Variants in MALT1 observed in about 807,000 individuals in gnomAD.
MALT1 encodes the protein MALT1 paracaspase.
A neutral mutation model predicts 85.5 loss-of-function variants in MALT1; 36 were observed. The observed-to-expected ratio is 0.42, with a 90% confidence interval of 0.32 to 0.56. The LOEUF is 0.56. Among genes scored for constraint, MALT1 ranks in the 20% least tolerant of loss-of-function variants. The probability of loss-of-function intolerance (pLI) is 0.10; values close to 1 mark genes in which losing one functional copy is unlikely to be tolerated. For synonymous variants in MALT1, 359 were observed against 361.3 expected, an observed-to-expected ratio of 0.99 and a Z score of 0.07; for missense variants, 716 against 981.6, an observed-to-expected ratio of 0.73 and a Z score of 3.62.
chr18:58,747,935 T>TATA lies in MALT1; in HGVS notation c.*94_*96dup. 2.2e-6 allele frequency: 2 copies of TATA among 929,312 alleles called. No individual in the cohort carries two copies. The highest frequency in any genetic ancestry group is 3.3e-6 in the Non-Finnish European group (2 of 600,724). 57.6% of individuals were successfully genotyped at this position (929,312 alleles called of 1,614,324 possible). A position where few individuals can be genotyped will look rare whatever the true frequency, so the allele number is the denominator to read the frequency against. ...GAGACATTGTGAAAAGGCAAATTTG[T>TATA]ATATGTAGAGAAAGAATAGTAGTAA... On this transcript the variant is annotated 3_prime_UTR_variant, in exon 17 of 17. Transcript: ENST00000649217.
intron 1 of MALT1, chr18:58,672,710 A>C (rs747328774): frequency 6.6e-6 from 1 of 152,228 alleles, no homozygotes; most frequent in East Asian, 1.9e-4. Flanking sequence ...AAAACAAAAA[A>C]GTCTATTAGA....
At position 58,750,260 on chromosome 18, in the gene MALT1, A is replaced by G. The variant is rs2055429107; in HGVS notation, c.*2418A>G. On this transcript the variant is annotated 3_prime_UTR_variant, in exon 17 of 17. Coordinates refer to ENST00000649217, the MANE Select transcript of MALT1 (RefSeq NM_006785.4). ...CTCCAACACGTTTAAAGAAATTAAG[A>G]TCCAGATAAATGGAAAGACATCCAT... is the stretch of plus-strand genomic sequence containing the variant. The G allele has an allele frequency of 6.0e-6, 1 of 165,354 alleles. No individual in the cohort carries two copies. The highest frequency in any genetic ancestry group is 1.3e-5 in the Non-Finnish European group (1 of 75,582). The allele number at this position is 165,354 out of a possible 1,614,324, so 10.2% of individuals were successfully genotyped here.
In MALT1 at chr18:58,671,569, G is replaced by A. The variant is rs1452177427; in HGVS notation, c.-75G>A. ...CTGCCTCCGCGGCTCGGAGGCGAGC[G>A]GAAGGTGCCCCGGGGCCGAGGCCCG... On this transcript the variant is annotated 5_prime_UTR_variant, in exon 1 of 17. Transcript: ENST00000649217. 1 of 1,013,498 alleles carries A rather than the reference G, an allele frequency of 9.9e-7. No homozygotes were observed. Among genetic ancestry groups the A allele is most frequent in the Non-Finnish European group, 1.3e-6 (1 of 796,078 alleles). The allele number at this position is 1,013,498 out of a possible 1,614,324, so 62.8% of individuals were successfully genotyped here.
rs535843261 is a variant in MALT1, at chr18:58,715,793, C to A, written c.986-142C>A. 2.7e-4 allele frequency: 182 copies of A among 669,224 alleles called. 1 individual carries two copies. The South Asian group carries it at 3.0e-3, about 11-fold the overall frequency. The allele number at this position is 669,224 out of a possible 1,614,324, so 41.5% of individuals were successfully genotyped here. ...AACACCACCATCGTTTTTTTCCATT[C>A]AAGAGTGTTTTTATTAAAAATCTGA... is the stretch of plus-strand genomic sequence containing the variant. On this transcript the variant is annotated intron_variant, in intron 8 of 16. Coordinates refer to ENST00000649217, the MANE Select transcript of MALT1 (RefSeq NM_006785.4).
At chr18:58,701,865 T>C (rs547973573) in intron 4 of MALT1, among the ~76,000 whole-genome samples, 1 of 152,346 alleles carries the variant, frequency 6.6e-6, no homozygotes, top group South Asian at 2.1e-4. Context: ...TAATAATCTT[T>C]CGTAAAAACA....
chr18:58,672,685 A>C (rs1166099836), intron 1 of MALT1: 1 of 152,220 alleles, frequency 6.6e-6, no homozygotes, highest in Non-Finnish European at 1.5e-5. Context: ...ACTTTCGTGG[A>C]AAAACAAATT....
chr18:58,705,231 A>G (rs1602305503), intron 4 of MALT1, among the ~76,000 whole-genome samples: 2 of 151,464 alleles, frequency 1.3e-5, no homozygotes, highest in Admixed American at 6.6e-5. Context: ...CCCCCATTGT[A>G]TATTTGTTGT....
At chr18:58,676,856 G>A (rs564810175) in intron 1 of MALT1, among the ~76,000 whole-genome samples, 1 of 152,130 alleles carries the variant, frequency 6.6e-6, no homozygotes, top group African/African-American at 2.4e-5. Flanking sequence ...TCAAATTAAT[G>A]AATAAAGATT....
At position 58,747,881 on chromosome 18, in the gene MALT1, T is replaced by C; in HGVS notation, c.*39T>C. 1 of 1,514,060 alleles carries C rather than the reference T, an allele frequency of 6.6e-7. No homozygotes were observed. Among genetic ancestry groups the C allele is most frequent in the Non-Finnish European group, 9.1e-7 (1 of 1,099,228 alleles). 93.8% of individuals were successfully genotyped at this position (1,514,060 alleles called of 1,614,324 possible). A position where few individuals can be genotyped will look rare whatever the true frequency, so the allele number is the denominator to read the frequency against. ...GAAAGTTAGCATAATTTTAGATGCC[T>C]GTGAAATAGTACTGCACTTACATAA... is the stretch of plus-strand genomic sequence containing the variant. On this transcript the variant is annotated 3_prime_UTR_variant, in exon 17 of 17. Coordinates refer to ENST00000649217, the MANE Select transcript of MALT1 (RefSeq NM_006785.4).
intron 13 of MALT1, among the ~76,000 whole-genome samples, chr18:58,738,076 G>C (rs1184888622): frequency 5.9e-5 from 9 of 152,108 alleles, no homozygotes; most frequent in African/African-American, 2.2e-4. Flanking sequence ...ATAGGACCTT[G>C]AAGTAACCTA....
At chr18:58,681,710 A>C (rs2054325255) in intron 2 of MALT1, among the ~76,000 whole-genome samples, 1 of 152,246 alleles carries the variant, frequency 6.6e-6, no homozygotes, top group African/African-American at 2.4e-5. Flanking sequence ...AGCCAAAAAA[A>C]TGAACATATA....
chr18:58,741,566 A>C (rs2055302150), intron 13 of MALT1: 1 of 186,430 alleles, frequency 5.4e-6, no homozygotes, highest in South Asian at 1.9e-4. Context: ...CATATACATT[A>C]GTCTATCTAA....
In MALT1 at chr18:58,722,311, T is replaced by C. The variant is rs113418217; in HGVS notation, c.1019-737T>C. 4.6e-3 allele frequency among the ~76,000 whole-genome samples: 693 copies of C among 152,226 alleles called. 5 individuals carry two copies. The highest frequency in any genetic ancestry group is 0.018 in the South Asian group (89 of 4,826). On this transcript the variant is annotated intron_variant, in intron 9 of 16. Transcript: ENST00000649217. ...ACTTTTTAAGGCATAGATACAGATC[T>C]TTTTTTCTCTTATGAACAAAAAAAC...
chr18:58,744,427 T>G lies in MALT1; in HGVS notation c.1843T>G (p.Tyr615Asp). 1 of 1,608,542 alleles carries G rather than the reference T, an allele frequency of 6.2e-7. No individual in the cohort carries two copies. Among genetic ancestry groups the G allele is most frequent in the Non-Finnish European group, 8.5e-7 (1 of 1,176,090 alleles). ...AAEFSNVMII[Y>D]TSIVYKPPEI... ...TGAGTTTTCCAATGTCATGATCATC[T>G]ATACAAGTATAGTTTACAAACCACC... The change falls in exon 15 of 17, where the codon TAT becomes GAT. Residue 615 changes from tyrosine to aspartate, a missense_variant. Physicochemically the swap from Tyr to Asp is radical, Grantham distance 160. Around this residue, in one of 4 missense-constraint regions of MALT1, gnomAD observed 260 missense variants for 323.7 expected, o/e 0.80. Transcript: ENST00000649217.
intron 10 of MALT1, among the ~76,000 whole-genome samples, chr18:58,731,639 CCT>C (rs1406599830): frequency 1.7e-4 from 26 of 152,234 alleles, no homozygotes; most frequent in Non-Finnish European, 2.8e-4. Context: ...AAGACCATCC[CCT>C]GTTGTTTCAC....
chr18:58,744,276 A>G, intron 14 of MALT1, 62 bp from the exon 15 acceptor site: 1 of 1,121,078 alleles, frequency 8.9e-7, no homozygotes, highest in Non-Finnish European at 1.3e-6. Context: ...ATTCTCCTCC[A>G]TAAATATTTG....
intron 2 of MALT1, chr18:58,690,802 T>C: frequency 4.5e-6 from 1 of 221,412 alleles, no homozygotes; most frequent in South Asian, 7.9e-5. Flanking sequence ...AATGCCTTCC[T>C]GAGAAAGTAC....
chr18:58,687,718 T>G (rs567828349), intron 2 of MALT1, among the ~76,000 whole-genome samples: 1 of 152,364 alleles, frequency 6.6e-6, no homozygotes, highest in East Asian at 1.9e-4. Flanking sequence ...AACATTTAAA[T>G]GCGTCGTGAG....
At chr18:58,688,536 C>CAAAAAAAA (rs552838701) in intron 2 of MALT1, among the ~76,000 whole-genome samples, 4 of 61,402 alleles carry the variant, frequency 6.5e-5, no homozygotes, top group African/African-American at 9.3e-5. Context: ...CCTGTTTCTA[C>CAAAAAAAA]AAAAAAAAAA....
Sources: gnomAD v4.1 joint callset for allele counts (sites outside exome capture counted in the v4.1 genomes callset) on GRCh38, gnomAD v4.1.1 for gene constraint, gnomAD v4.1.1 regional missense constraint, MANE v1.5 for transcripts, NCBI Gene and HGNC (gene_info 2026-07-23, HGNC 2026-07-21) for gene names.